The following SLF1 variants were observed in gnomAD, a reference collection of about 807,000 sequenced individuals.
SLF1 encodes SMC5/6 complex localization factor 1.
SLF1 carries 105 observed loss-of-function variants against 123.0 expected under a neutral mutation model. The observed-to-expected ratio is 0.85, with a 90% CI of 0.73 to 1.00. The LOEUF is 1.00. Among genes scored for constraint, SLF1 ranks in the 50% least tolerant of loss-of-function variants. The pLI is 0.00. For missense variants in SLF1, 1,239 were observed against 1,223.0 expected (o/e 1.01, Z -0.20); for synonymous variants, 434 against 406.6 (o/e 1.07, Z -0.81).
At chr5:94,681,178 G>T (rs1343949536) in intron 15 of SLF1, among the ~76,000 whole-genome samples, 1 of 152,080 alleles carries the variant, frequency 6.6e-6, no homozygotes, top group Non-Finnish European at 1.5e-5. Flanking sequence ...CCCCCAGGCT[G>T]GAGTGCAGTG....
At chr5:94,659,632 G>C (rs1748835015) in intron 9 of SLF1, among the ~76,000 whole-genome samples, 1 of 152,184 alleles carries the variant, frequency 6.6e-6, no homozygotes, top group South Asian at 2.1e-4. Context: ...AGTGGCTTAG[G>C]CTACATTTGT....
chr5:94,678,905 T>C lies in SLF1; in HGVS notation c.1925T>C (p.Met642Thr), dbSNP rs1751425787. ...FLGLKMGRNV[M>T]RHMSDDLGSY... is the part of the protein sequence containing the mutation. ...GGTCTTAAGATGGGTAGAAATGTGATGCGACACATGTCTGATGACTTAGGA... is the reference window on the plus strand; with the variant it reads ...GGTCTTAAGATGGGTAGAAATGTGACGCGACACATGTCTGATGACTTAGGA... Residue 642 changes from methionine to threonine, a missense_variant, in exon 15 of 21, where the codon ATG becomes ACG. Physicochemically the swap from Met to Thr is moderately conservative, Grantham distance 81. Coordinates refer to ENST00000265140, the MANE Select transcript of SLF1 (RefSeq NM_032290.4). The C allele has an allele frequency of 6.2e-7, 1 of 1,613,742 alleles. No homozygotes were observed. The highest frequency in any genetic ancestry group is 8.5e-7 in the Non-Finnish European group (1 of 1,179,850).
rs375469909 is a variant in SLF1, at chr5:94,692,272, C to T, written c.2695+16C>T. The T allele has an allele frequency of 5.6e-6, 9 of 1,601,296 alleles. No individual in the cohort carries two copies. Among genetic ancestry groups the T allele is most frequent in the African/African-American group, 4.0e-5 (3 of 74,638 alleles). Reference sequence around the variant, plus strand: ...CAGCATGGGGGTGAGTGTGTTTATGCTAAATGGGTTTTGATAAATTATCCA... The same window carrying T: ...CAGCATGGGGGTGAGTGTGTTTATGTTAAATGGGTTTTGATAAATTATCCA... On this transcript the variant is annotated intron_variant, in intron 20 of 20. Coordinates refer to ENST00000265140, the MANE Select transcript of SLF1 (RefSeq NM_032290.4).
Position 94,630,509 on chromosome 5 carries a change from G to A in SLF1, c.197G>A (p.Trp66Ter). ...CAGCTCATTTGCTTTCTAGGAAAGT[G>A]GATACTAACCAAGGACTATATAATT... The part of the protein sequence containing the change: ...KFLAACAAGK[W>*]ILTKDYIIHS... The change falls in exon 4 of 21, where the codon TGG becomes TAG. Residue 66 changes from tryptophan (W) to a stop codon, truncating the protein, a stop_gained. Transcript: ENST00000265140. LOFTEE classifies it high-confidence loss of function. The A allele has an allele frequency of 6.5e-7, 1 of 1,545,294 alleles. No homozygotes were observed.
At chr5:94,688,704 T>G (rs367972150) in intron 17 of SLF1, 35 bp downstream of exon 17, 4 of 1,607,784 alleles carry the variant, frequency 2.5e-6, no homozygotes, top group Non-Finnish European at 3.4e-6. Context: ...GTGCTTTGTT[T>G]TGGAGTACAG....
rs1263581658 is a variant in SLF1, at chr5:94,655,889, G to A, written c.1155+1137G>A. ...GTTTTTCTACATATGAGATCATGTC[G>A]TCTCCAGAGAGGGACAATTTTACTT... On this transcript the variant is annotated intron_variant, in intron 9 of 20. Transcript: ENST00000265140. 2.6e-5 allele frequency among the ~76,000 whole-genome samples: 4 copies of A among 151,232 alleles called. No individual in the cohort carries two copies. In the East Asian group the frequency reaches 7.8e-4, roughly 29 times the overall value.
chr5:94,649,493 G>C lies in SLF1; in HGVS notation c.634G>C (p.Val212Leu). Residue 212 changes from valine (V) to leucine (L), a missense_variant, in exon 6 of 21, where the codon GTT (valine) becomes CTT (leucine). Coordinates refer to ENST00000265140, the MANE Select transcript of SLF1 (RefSeq NM_032290.4). ...TGATGAAGATTCCCAAACCAATTCTGTTTGGACTGAACATAGCAATGAAGA... is the reference window on the plus strand; with the variant it reads ...TGATGAAGATTCCCAAACCAATTCTCTTTGGACTGAACATAGCAATGAAGA... The part of the protein sequence containing the change: ...QNDEDSQTNS[V>L]WTEHSNEETN... 1 of 1,528,082 alleles carries C rather than the reference G, an allele frequency of 6.5e-7. No homozygotes were observed. 94.7% of individuals were successfully genotyped at this position (1,528,082 alleles called of 1,614,324 possible).
chr5:94,631,132 C>T (rs1408321318), intron 4 of SLF1, among the ~76,000 whole-genome samples: 2 of 152,022 alleles, frequency 1.3e-5, no homozygotes, highest in African/African-American at 4.8e-5. Flanking sequence ...CTGTTTTCAT[C>T]ATAATTTTAT....
Position 94,670,849 on chromosome 5 carries a change from T to C in SLF1, c.1668T>C (p.Tyr556=). 6.5e-7 allele frequency: 1 copy of C among 1,548,830 alleles called. No individual in the cohort carries two copies. Among genetic ancestry groups the C allele is most frequent in the Non-Finnish European group, 8.7e-7 (1 of 1,145,080 alleles). ...SEVQHLSQKL[Y]DWSDSQNLKI... ...TTGTTTATATTTTAATTAGGTTGTA[T>C]GACTGGTCAGATTCTCAGAATCTGA... Residue 556 remains tyrosine (Y), a synonymous_variant, in exon 14 of 21, where the codon TAT becomes TAC. Transcript: ENST00000265140.
chr5:94,662,185 C>A, intron 9 of SLF1, 113 bp from the exon 10 acceptor site: 1 of 721,728 alleles, frequency 1.4e-6, no homozygotes, highest in Non-Finnish European at 2.1e-6. Context: ...TTAATTATAG[C>A]TATTAATGTG....
At chr5:94,688,033 TA>T (rs1397294080) in intron 16 of SLF1, among the ~76,000 whole-genome samples, 3 of 126,740 alleles carry the variant, frequency 2.4e-5, no homozygotes, top group Non-Finnish European at 5.1e-5. Flanking sequence ...TATCTTTAGA[TA>T]TTAATATCTT....
chr5:94,662,378 A>T (rs1749221225), intron 10 of SLF1, 27 bp downstream of exon 10: 2 of 1,513,958 alleles, frequency 1.3e-6, no homozygotes, highest in Admixed American at 2.1e-5. Context: ...AGCATTGGTG[A>T]TGGGGGCAAA....
At chr5:94,681,238 T>C (rs1751727076) in intron 15 of SLF1, among the ~76,000 whole-genome samples, 1 of 152,288 alleles carries the variant, frequency 6.6e-6, no homozygotes, top group Admixed American at 6.5e-5. Context: ...CAAGCAATTC[T>C]TGTGCCTCAG....
intron 14 of SLF1, among the ~76,000 whole-genome samples, chr5:94,672,420 TC>T (rs1317007198): frequency 6.6e-6 from 1 of 151,986 alleles, no homozygotes; most frequent in Non-Finnish European, 1.5e-5. Context: ...TTTGTGTTTT[TC>T]ACCTTGTATC....
chr5:94,684,722 A>T (rs2152496208), intron 15 of SLF1, among the ~76,000 whole-genome samples: 1 of 141,698 alleles, frequency 7.1e-6, no homozygotes, highest in South Asian at 2.2e-4. Flanking sequence ...AAAAAAAAAA[A>T]AGTATCTCTG....
At chr5:94,687,369 C>T (rs191437339) in intron 16 of SLF1, among the ~76,000 whole-genome samples, 1 of 152,272 alleles carries the variant, frequency 6.6e-6, no homozygotes, top group African/African-American at 2.4e-5. Context: ...GAGACCCCTT[C>T]TCCAGGGGCA....
At chr5:94,647,042 G>A (rs534158444) in intron 5 of SLF1, among the ~76,000 whole-genome samples, 2 of 152,248 alleles carry the variant, frequency 1.3e-5, no homozygotes, top group East Asian at 3.9e-4. Context: ...AGATCCCACA[G>A]CTGTCATGTA....
At position 94,662,319 on chromosome 5, in the gene SLF1, A is replaced by G. The variant is rs376945797; in HGVS notation, c.1177A>G (p.Arg393Gly). ...RAQAVRYNCI[R>G]IDKQPVYNVE... The stretch of plus-strand genomic sequence containing the variant: ...GTAGGCTGTCAGATACAACTGCATT[A>G]GAATAGATAAACAACCAGTGTACAA... The change falls in exon 10 of 21, where the codon AGA becomes GGA. Residue 393 changes from arginine (R) to glycine (G), a missense_variant. By Grantham distance (125) the Arg-to-Gly change is moderately radical (BLOSUM62 -2). Transcript: ENST00000265140. 65 of 1,550,112 alleles carry G rather than the reference A, an allele frequency of 4.2e-5. No individual in the cohort carries two copies. The highest frequency in any genetic ancestry group is 5.6e-5 in the Non-Finnish European group (64 of 1,146,146).
chr5:94,659,345 T>C (rs1748790753), intron 9 of SLF1, among the ~76,000 whole-genome samples: 1 of 152,224 alleles, frequency 6.6e-6, no homozygotes, highest in South Asian at 2.1e-4. Flanking sequence ...GTTTCCTTTT[T>C]GTTGGAATCT....
Sources: allele counts gnomAD v4.1 joint callset (sites outside exome capture counted in the v4.1 genomes callset), GRCh38; gene constraint gnomAD v4.1.1; transcripts MANE v1.5; gene names NCBI Gene and HGNC (gene_info 2026-07-23, HGNC 2026-07-21).